MGAT5: variants seen among roughly 807,000 people sequenced by gnomAD.
MGAT5 encodes the protein alpha-1,6-mannosylglycoprotein 6-beta-N-acetylglucosaminyltransferase.
MGAT5 carries 30 observed loss-of-function variants against 94.3 expected under a neutral mutation model. That is an observed-to-expected ratio of 0.32 (90% CI 0.24 to 0.43). The LOEUF (loss-of-function observed/expected upper bound fraction) is 0.43. MGAT5 is among the 20% of genes least tolerant of loss of function. The pLI, the probability that MGAT5 is intolerant of heterozygous loss-of-function variation, is 1.00. For missense variants in MGAT5, 691 were observed against 905.5 expected (o/e 0.76, Z 3.04); for synonymous variants, 310 against 322.9 (o/e 0.96, Z 0.43).
intron 10 of MGAT5, among the ~76,000 whole-genome samples, chr2:134,382,949 A>G (rs538047908): frequency 3.9e-5 from 6 of 152,360 alleles, no homozygotes; most frequent in Admixed American, 2.6e-4. Flanking sequence ...ATAAATGTGA[A>G]AAGTAAGAGC....
In MGAT5 at chr2:134,144,317, G is replaced by T. The variant is rs1686804711; in HGVS notation, c.-143+24026G>T. Among the ~76,000 whole-genome samples the T allele has an allele frequency of 2.0e-5, 3 of 152,224 alleles. No individual in the cohort carries two copies. The South Asian group carries it at 6.2e-4, about 31-fold the overall frequency. Reference sequence around the variant, plus strand: ...TCACCATCATGGCAGAAGGTGAAGGGAAGCCAGCACTTCCCATGGCCAGAG... The same window carrying T: ...TCACCATCATGGCAGAAGGTGAAGGTAAGCCAGCACTTCCCATGGCCAGAG... On this transcript the variant is annotated intron_variant, in intron 1 of 16. Transcript: ENST00000409645.
chr2:134,207,184 C>A (rs1330304440), intron 1 of MGAT5, among the ~76,000 whole-genome samples: 1 of 152,146 alleles, frequency 6.6e-6, no homozygotes, highest in East Asian at 1.9e-4. Flanking sequence ...GATAGTGATT[C>A]TTCTGCTTCC....
At chr2:134,360,139 C>G (rs1462081916) in intron 9 of MGAT5, among the ~76,000 whole-genome samples, 1 of 152,168 alleles carries the variant, frequency 6.6e-6, no homozygotes, top group Non-Finnish European at 1.5e-5. Flanking sequence ...TAACATTTCA[C>G]AAGGTGAGAC....
intron 1 of MGAT5, among the ~76,000 whole-genome samples, chr2:134,216,112 A>G (rs934579506): frequency 6.6e-6 from 1 of 152,184 alleles, no homozygotes; most frequent in Non-Finnish European, 1.5e-5. Context: ...GAAGCTGGTA[A>G]AGTCGGTGTC....
chr2:134,271,287 A>G (rs7607690), intron 2 of MGAT5, among the ~76,000 whole-genome samples: 21,549 of 151,438 alleles, frequency 0.14, 2,372 homozygotes, highest in African/African-American at 0.29. Flanking sequence ...TTGTGCTTGA[A>G]CCAGGACTGC....
At chr2:134,301,858 C>T (rs1686037125) in intron 2 of MGAT5, among the ~76,000 whole-genome samples, 1 of 152,152 alleles carries the variant, frequency 6.6e-6, no homozygotes, top group African/African-American at 2.4e-5. Flanking sequence ...GATTTTGCCT[C>T]CAGCCTTGGA....
chr2:134,185,622 G>T (rs1341803442), intron 1 of MGAT5, among the ~76,000 whole-genome samples: 1 of 151,928 alleles, frequency 6.6e-6, no homozygotes, highest in Non-Finnish European at 1.5e-5. Flanking sequence ...TCAGGTACTG[G>T]GCCCCTAGAT....
chr2:134,127,673 G>A (rs553015717), intron 1 of MGAT5, among the ~76,000 whole-genome samples: 1 of 152,188 alleles, frequency 6.6e-6, no homozygotes, highest in East Asian at 1.9e-4. Context: ...AACTCCGACC[G>A]TGGCAGGTGA....
chr2:134,305,305 C>T (rs1012066942), intron 2 of MGAT5, among the ~76,000 whole-genome samples: 2 of 152,144 alleles, frequency 1.3e-5, no homozygotes, highest in African/African-American at 2.4e-5. Context: ...GAAGCACTTC[C>T]GCCTTGCCTC....
At chr2:134,346,126 T>C (rs1017650032) in intron 8 of MGAT5, among the ~76,000 whole-genome samples, 2 of 152,200 alleles carry the variant, frequency 1.3e-5, no homozygotes, top group African/African-American at 2.4e-5. Context: ...CAAGTAGAGC[T>C]GTTGTTTTCT....
intron 9 of MGAT5, among the ~76,000 whole-genome samples, chr2:134,361,549 A>G (rs1312018236): frequency 6.6e-6 from 1 of 152,192 alleles, no homozygotes; most frequent in East Asian, 1.9e-4. Flanking sequence ...CCCCTTGGTC[A>G]AGCGTTAGAG....
intron 1 of MGAT5, among the ~76,000 whole-genome samples, chr2:134,215,631 G>A (rs140997658): frequency 3.9e-5 from 6 of 152,196 alleles, no homozygotes; most frequent in East Asian, 1.9e-4. Flanking sequence ...TGAGGGATCC[G>A]GCTCCATGAC....
At chr2:134,374,587 G>A (rs932162883) in intron 10 of MGAT5, among the ~76,000 whole-genome samples, 3 of 152,164 alleles carry the variant, frequency 2.0e-5, no homozygotes, top group African/African-American at 7.2e-5. Context: ...GTCATGTTTA[G>A]CATCGATACA....
At chr2:134,185,354 A>G (rs1553489682) in intron 1 of MGAT5, among the ~76,000 whole-genome samples, 1 of 152,158 alleles carries the variant, frequency 6.6e-6, no homozygotes, top group Non-Finnish European at 1.5e-5. Context: ...CTTTGTATAT[A>G]TGAAGGTGCT....
At chr2:134,232,714 G>A (rs1223548868) in intron 1 of MGAT5, among the ~76,000 whole-genome samples, 1 of 152,024 alleles carries the variant, frequency 6.6e-6, no homozygotes, top group African/African-American at 2.4e-5. Flanking sequence ...TTCTTGTTAG[G>A]TTGGAGTGTG....
chr2:134,354,071 A>G (rs1166948035), intron 9 of MGAT5, among the ~76,000 whole-genome samples: 1 of 152,146 alleles, frequency 6.6e-6, no homozygotes, highest in African/African-American at 2.4e-5. Flanking sequence ...TGGCTATTTT[A>G]GTGGTCTGAA....
intron 1 of MGAT5, among the ~76,000 whole-genome samples, chr2:134,153,184 T>C (rs765477286): frequency 6.6e-6 from 1 of 151,892 alleles, no homozygotes; most frequent in East Asian, 1.9e-4. Flanking sequence ...CCTCCCAGAG[T>C]GTTGGGATTA....
At chr2:134,167,529 G>A (rs1467456355) in intron 1 of MGAT5, among the ~76,000 whole-genome samples, 3 of 152,116 alleles carry the variant, frequency 2.0e-5, no homozygotes, top group Admixed American at 6.5e-5. Flanking sequence ...ACCTTCCCAG[G>A]TGATGATGTT....
chr2:134,354,091 C>T (rs560983885), intron 9 of MGAT5, among the ~76,000 whole-genome samples: 4 of 152,172 alleles, frequency 2.6e-5, no homozygotes, highest in South Asian at 2.1e-4. Flanking sequence ...AGAGAAATAC[C>T]GTTCCTTTGA....
Sources: allele counts gnomAD v4.1 joint callset (sites outside exome capture counted in the v4.1 genomes callset), GRCh38; gene constraint gnomAD v4.1.1; transcripts MANE v1.5; gene names NCBI Gene and HGNC (gene_info 2026-07-23, HGNC 2026-07-21).